SLC30A6: variants seen among roughly 807,000 people sequenced by gnomAD.
SLC30A6 encodes the protein zinc transporter 6.
SLC30A6 carries 55 observed loss-of-function variants against 63.0 expected under a neutral mutation model. The ratio of observed to expected loss-of-function variants is 0.87; its 90% CI spans 0.70 to 1.09. SLC30A6 has a LOEUF of 1.09. SLC30A6 is among the 50% of genes least tolerant of loss of function. The pLI is 0.00. For synonymous variants in SLC30A6, 224 were observed against 186.1 expected, an observed-to-expected ratio of 1.20 and a Z score of -1.66; for missense variants, 587 against 549.2, an observed-to-expected ratio of 1.07 and a Z score of -0.69.
intron 13 of SLC30A6, among the ~76,000 whole-genome samples, chr2:32,213,665 A>C (rs563142124): frequency 2.0e-5 from 3 of 152,300 alleles, no homozygotes; most frequent in Middle Eastern, 6.8e-3. Context: ...GCCATCTTGC[A>C]AGAATCCCAA....
intron 1 of SLC30A6, among the ~76,000 whole-genome samples, chr2:32,168,756 C>G (rs186422231): frequency 1.3e-5 from 2 of 152,166 alleles, no homozygotes; most frequent in Non-Finnish European, 2.9e-5. Context: ...AAGAGTAGAC[C>G]AGTTTAACTG....
intron 13 of SLC30A6, among the ~76,000 whole-genome samples, chr2:32,217,754 G>A (rs553719245): frequency 6.6e-6 from 1 of 151,490 alleles, no homozygotes; most frequent in East Asian, 1.9e-4. Context: ...GTGTTTCATA[G>A]TTCTCCTTGT....
intron 10 of SLC30A6, chr2:32,202,123 T>G (rs187657478): frequency 0.012 from 8,712 of 730,912 alleles, 142 homozygotes; most frequent in South Asian, 0.043. Context: ...AGAAGGAACC[T>G]TCTCCAATCT....
intron 12 of SLC30A6, among the ~76,000 whole-genome samples, chr2:32,208,167 A>G (rs188394572): frequency 2.9e-4 from 43 of 146,040 alleles, no homozygotes; most frequent in South Asian, 1.1e-3. Flanking sequence ...GTCTTGCTCT[A>G]TCACCCAGGC....
chr2:32,217,042 C>A (rs1685771186), intron 13 of SLC30A6, among the ~76,000 whole-genome samples: 1 of 151,866 alleles, frequency 6.6e-6, no homozygotes, highest in Non-Finnish European at 1.5e-5. Flanking sequence ...GCATTTGCCA[C>A]CACGCCCGGC....
At chr2:32,185,924 T>G (rs1424604172) in intron 5 of SLC30A6, among the ~76,000 whole-genome samples, 2 of 145,586 alleles carry the variant, frequency 1.4e-5, no homozygotes, top group Non-Finnish European at 3.0e-5. Context: ...AGAGATGGGG[T>G]TTCACCATGT....
chr2:32,195,642 T>C (rs1683722658), intron 8 of SLC30A6, among the ~76,000 whole-genome samples: 1 of 150,902 alleles, frequency 6.6e-6, no homozygotes, highest in Non-Finnish European at 1.5e-5. Flanking sequence ...TGTTGTATAT[T>C]GCCAAATTTA....
chr2:32,205,562 A>C (rs1337229557), intron 11 of SLC30A6, among the ~76,000 whole-genome samples: 1 of 152,118 alleles, frequency 6.6e-6, no homozygotes, highest in Non-Finnish European at 1.5e-5. Context: ...ATGAAAGTCC[A>C]TTAGCAAGTA....
At position 32,224,154 on chromosome 2, in the gene SLC30A6, A is replaced by T. The variant is rs1000348330; in HGVS notation, c.*3441A>T. Reference sequence around the variant, plus strand: ...TCAGTAGCTATTAATAATTTATCTCATATTCAGCGAATATTTATTGAGAAT... The same window carrying T: ...TCAGTAGCTATTAATAATTTATCTCTTATTCAGCGAATATTTATTGAGAAT... On this transcript the variant is annotated 3_prime_UTR_variant, in exon 14 of 14. Coordinates refer to ENST00000282587, the MANE Select transcript of SLC30A6 (RefSeq NM_017964.5). 9.7e-6 allele frequency: 2 copies of T among 205,820 alleles called. No individual in the cohort carries two copies. Among genetic ancestry groups the T allele is most frequent in the Non-Finnish European group, 1.9e-5 (2 of 103,306 alleles). 12.7% of individuals were successfully genotyped at this position (205,820 alleles called of 1,614,324 possible). A position where few individuals can be genotyped will look rare whatever the true frequency, so the allele number is the denominator to read the frequency against.
chr2:32,210,814 C>A (rs1224387989), intron 13 of SLC30A6, among the ~76,000 whole-genome samples: 1 of 152,160 alleles, frequency 6.6e-6, no homozygotes, highest in East Asian at 1.9e-4. Flanking sequence ...CCAACTCTTT[C>A]CCTCTCTCAT....
intron 5 of SLC30A6, among the ~76,000 whole-genome samples, chr2:32,188,378 T>C (rs1291415272): frequency 6.6e-6 from 1 of 152,204 alleles, no homozygotes; most frequent in African/African-American, 2.4e-5. Flanking sequence ...GGTATTTGTT[T>C]TTCTGTCCCT....
chr2:32,212,935 C>T (rs1448179965), intron 13 of SLC30A6, among the ~76,000 whole-genome samples: 2 of 133,304 alleles, frequency 1.5e-5, no homozygotes, highest in African/African-American at 5.8e-5. Flanking sequence ...GAGACAGCGT[C>T]CTGCCCTGTC....
chr2:32,199,790 G>A (rs1055194686), intron 10 of SLC30A6, among the ~76,000 whole-genome samples: 2 of 151,334 alleles, frequency 1.3e-5, no homozygotes, highest in Admixed American at 1.3e-4. Flanking sequence ...TTTCTAATTC[G>A]TCTCCAAGCC....
At position 32,174,128 on chromosome 2, in the gene SLC30A6, C is replaced by T. The variant is rs1681488295; in HGVS notation, c.156C>T (p.Cys52=). The change falls in exon 3 of 14, where the codon TGC becomes TGT. Residue 52 remains cysteine (C), a synonymous_variant. Transcript: ENST00000282587. ...LICTGFLLMW[C]SSTNSIALTA... is the part of the protein sequence containing the mutation. ...GTACTGGCTTCCTGCTTATGTGGTG[C>T]AGTTCTACTAATAGTATAGGTATGT... is the stretch of plus-strand genomic sequence containing the variant. 4 of 1,613,116 alleles carry T rather than the reference C, an allele frequency of 2.5e-6. No homozygotes were observed. Among genetic ancestry groups the T allele is most frequent in the Non-Finnish European group, 3.4e-6 (4 of 1,179,326 alleles).
At chr2:32,178,986 A>G (rs547469508) in intron 4 of SLC30A6, among the ~76,000 whole-genome samples, 1 of 152,266 alleles carries the variant, frequency 6.6e-6, no homozygotes, top group South Asian at 2.1e-4. Context: ...CAGCCTCCTG[A>G]GTGAGTGGTA....
chr2:32,193,011 AT>A (rs1558398429), intron 7 of SLC30A6, 58 bp downstream of exon 7: 2 of 1,107,432 alleles, frequency 1.8e-6, no homozygotes, highest in Non-Finnish European at 1.3e-6. Context: ...TAATTGATGT[AT>A]TATTAAACAG....
intron 5 of SLC30A6, chr2:32,187,310 A>C: frequency 2.2e-6 from 1 of 463,174 alleles, no homozygotes; most frequent in South Asian, 1.6e-5. Flanking sequence ...TATGGTAGGC[A>C]ATAAAGAGCT....
chr2:32,204,305 A>C (rs1684554055), intron 10 of SLC30A6, among the ~76,000 whole-genome samples: 1 of 152,170 alleles, frequency 6.6e-6, no homozygotes, highest in Non-Finnish European at 1.5e-5. Context: ...ATAGTTTGAC[A>C]AAAAAATGCC....
intron 1 of SLC30A6, among the ~76,000 whole-genome samples, chr2:32,166,581 A>G (rs990863644): frequency 1.3e-5 from 2 of 152,256 alleles, no homozygotes; most frequent in African/African-American, 4.8e-5. Context: ...GCTCAAATAT[A>G]TAGCTCTGAA....
Sources: gnomAD v4.1 joint callset for allele counts (sites outside exome capture counted in the v4.1 genomes callset) on GRCh38, gnomAD v4.1.1 for gene constraint, MANE v1.5 for transcripts, NCBI Gene and HGNC (gene_info 2026-07-23, HGNC 2026-07-21) for gene names.